LRIG1: variants seen among roughly 807,000 people sequenced by gnomAD.
LRIG1 encodes the protein leucine-rich repeats and immunoglobulin-like domains protein 1.
In LRIG1, 48 loss-of-function variants were observed where a neutral mutation model predicts 99.2. That is an observed-to-expected ratio of 0.48 (90% CI 0.38 to 0.62). The LOEUF (loss-of-function observed/expected upper bound fraction) is 0.62. LRIG1 is among the 20% of genes least tolerant of loss of function. The probability of loss-of-function intolerance (pLI) is 0.00; values close to 1 mark genes in which losing one functional copy is unlikely to be tolerated. For missense variants in LRIG1, 1,646 were observed against 1,434.4 expected (o/e 1.15, Z -2.38); for synonymous variants, 772 against 596.1 (o/e 1.29, Z -4.30).
intron 3 of LRIG1, among the ~76,000 whole-genome samples, chr3:66,438,050 G>A (rs1023727978): frequency 3.2e-4 from 48 of 152,206 alleles, no homozygotes; most frequent in African/African-American, 1.1e-3. Context: ...ATTGATGAAG[G>A]TACTTCATTG....
At chr3:66,435,513 A>C (rs2106758056) in intron 3 of LRIG1, among the ~76,000 whole-genome samples, 1 of 152,344 alleles carries the variant, frequency 6.6e-6, no homozygotes, top group South Asian at 2.1e-4. Flanking sequence ...TGGAAGACTG[A>C]GGTTGCAGTG....
intron 11 of LRIG1, among the ~76,000 whole-genome samples, chr3:66,396,540 C>T (rs1695296923): frequency 6.6e-6 from 1 of 152,208 alleles, no homozygotes. Context: ...GAGGACTGGG[C>T]ACAGGGCCGG....
rs1221616461 is a variant in LRIG1 at position 66,379,761 on chromosome 3, A to G, written c.*502T>C. 1 of 153,978 alleles carries G rather than the reference A, an allele frequency of 6.5e-6. No individual in the cohort carries two copies. Among genetic ancestry groups the G allele is most frequent in the African/African-American group, 2.4e-5 (1 of 41,438 alleles). 9.5% of individuals were successfully genotyped at this position (153,978 alleles called of 1,614,324 possible). ...CTCCTTCCGGCGCATGTGGAGTCCC[A>G]CCGCACAGCAGCCTAGGGGTCTATG... is the stretch of plus-strand genomic sequence containing the variant. On this transcript the variant is annotated 3_prime_UTR_variant, in exon 19 of 19. Transcript: ENST00000273261.
At chr3:66,409,536 T>TA (rs1381231687) in intron 7 of LRIG1, among the ~76,000 whole-genome samples, 1 of 152,168 alleles carries the variant, frequency 6.6e-6, no homozygotes, top group Non-Finnish European at 1.5e-5. Flanking sequence ...ATCTCTGAAC[T>TA]AAGCACGCAC....
Position 66,390,619 on chromosome 3 carries a change from T to C in LRIG1, c.1468+3421A>G, listed in dbSNP as rs540357486. ...GAAATTGACAAGCTGATCCAAAAAA[T>C]TGTAAGGAAATGGCAAGGGATCCAT... On this transcript the variant is annotated intron_variant, in intron 12 of 18. Transcript: ENST00000273261. Among the ~76,000 whole-genome samples the C allele has an allele frequency of 8.5e-4, 130 of 152,192 alleles. 1 individual carries two copies. Among genetic ancestry groups the C allele is most frequent in the African/African-American group, 2.9e-3 (121 of 41,538 alleles).
chr3:66,411,750 G>A (rs755539290), intron 6 of LRIG1, among the ~76,000 whole-genome samples: 13 of 152,126 alleles, frequency 8.5e-5, no homozygotes, highest in African/African-American at 9.7e-5. Flanking sequence ...AAGAAGGGGC[G>A]GACATGAGCA....
chr3:66,481,475 G>A (rs1324940641), intron 1 of LRIG1, among the ~76,000 whole-genome samples: 1 of 152,090 alleles, frequency 6.6e-6, no homozygotes, highest in Non-Finnish European at 1.5e-5. Context: ...GAACCACCTC[G>A]AAATTGGCAG....
chr3:66,450,051 C>A (rs1420836710), intron 3 of LRIG1, among the ~76,000 whole-genome samples: 6 of 152,204 alleles, frequency 3.9e-5, no homozygotes, highest in Non-Finnish European at 8.8e-5. Flanking sequence ...AACAGGTTAT[C>A]ACATCCCTAT....
chr3:66,478,509 T>C (rs948987438), intron 1 of LRIG1, among the ~76,000 whole-genome samples: 3 of 152,196 alleles, frequency 2.0e-5, no homozygotes, highest in Non-Finnish European at 1.5e-5. Context: ...CACAGGTCAA[T>C]AAGGTAGGCT....
intron 13 of LRIG1, 119 bp from the exon 14 acceptor site, chr3:66,384,391 A>G (rs966048945): frequency 1.2e-5 from 13 of 1,119,312 alleles, no homozygotes; most frequent in Admixed American, 7.9e-5. Flanking sequence ...TTTTCTCCCA[A>G]TGTCTGCCCA....
In LRIG1 at chr3:66,500,383, G is replaced by C; in HGVS notation, c.25C>G (p.Leu9Val). The C allele has an allele frequency of 6.8e-7, 1 of 1,463,386 alleles. No individual in the cohort carries two copies. The highest frequency in any genetic ancestry group is 9.0e-7 in the Non-Finnish European group (1 of 1,114,914). 90.7% of individuals were successfully genotyped at this position (1,463,386 alleles called of 1,614,324 possible). A position where few individuals can be genotyped will look rare whatever the true frequency, so the allele number is the denominator to read the frequency against. ...CAAGGCGAGCGGCGCGGGGCCCCGA[G>C]CCCTCCCCGGACCGGCCGCGCCATC... Reference protein sequence around the residue: MARPVRGGLGAPRRSPCLL... With the variant: MARPVRGGVGAPRRSPCLL... The change falls in exon 1 of 19, where the codon CTC becomes GTC. Residue 9 changes from leucine to valine, a missense_variant. Leu to Val is a conservative substitution (Grantham distance 32). Coordinates refer to ENST00000273261, the MANE Select transcript of LRIG1 (RefSeq NM_015541.3).
At chr3:66,406,565 GT>G in intron 8 of LRIG1, 1 of 310,398 alleles carries the variant, frequency 3.2e-6, no homozygotes, top group Non-Finnish European at 4.7e-6. Context: ...TCTCTGTGCA[GT>G]GGATTACGCC....
At chr3:66,452,402 C>G (rs1355785071) in intron 2 of LRIG1, among the ~76,000 whole-genome samples, 3 of 152,230 alleles carry the variant, frequency 2.0e-5, no homozygotes, top group Admixed American at 6.5e-5. Flanking sequence ...GCTGTGCAAT[C>G]TGGCCTCCTT....
At chr3:66,435,085 T>C (rs907648883) in intron 3 of LRIG1, among the ~76,000 whole-genome samples, 6 of 151,660 alleles carry the variant, frequency 4.0e-5, no homozygotes, top group Admixed American at 6.6e-5. Flanking sequence ...CACATCCATA[T>C]TATGGAATAC....
chr3:66,484,309 A>T (rs1700919711), intron 1 of LRIG1, among the ~76,000 whole-genome samples: 1 of 152,214 alleles, frequency 6.6e-6, no homozygotes, highest in Admixed American at 6.5e-5. Context: ...TTAATGTGTC[A>T]CAGGCTTCAC....
Position 66,380,306 on chromosome 3 carries a change from G to GGGAGCTGTCCTGTCAGTGGCGTGGA in LRIG1, c.3214_3238dup (p.Pro1080LeufsTer41). On this transcript the variant is annotated frameshift_variant, in exon 19 of 19. Coordinates refer to ENST00000273261, the MANE Select transcript of LRIG1 (RefSeq NM_015541.3). LOFTEE classifies it high-confidence loss of function. ...CAGCAGTGGCACCCTCTGTTTCCCG[G>GGGAGCTGTCCTGTCAGTGGCGTGGA]GGAGCTGTCCTGTCAGTGGCGTGGA... 6.2e-7 allele frequency: 1 copy of GGGAGCTGTCCTGTCAGTGGCGTGGA among 1,613,894 alleles called. No individual in the cohort carries two copies. Among genetic ancestry groups the GGGAGCTGTCCTGTCAGTGGCGTGGA allele is most frequent in the Non-Finnish European group, 8.5e-7 (1 of 1,179,842 alleles).
intron 1 of LRIG1, among the ~76,000 whole-genome samples, chr3:66,472,832 C>T (rs1280160307): frequency 6.6e-6 from 1 of 152,184 alleles, no homozygotes; most frequent in African/African-American, 2.4e-5. Context: ...TCATTACACA[C>T]TATTCTAAAC....
At chr3:66,479,557 T>G (rs1315886921) in intron 1 of LRIG1, among the ~76,000 whole-genome samples, 1 of 152,182 alleles carries the variant, frequency 6.6e-6, no homozygotes, top group Non-Finnish European at 1.5e-5. Context: ...CTGCTTGAAA[T>G]TGTACTTTCT....
intron 3 of LRIG1, among the ~76,000 whole-genome samples, chr3:66,446,851 CA>C (rs11365007): frequency 0.28 from 35,638 of 125,776 alleles, 5,135 homozygotes; most frequent in East Asian, 0.69. Context: ...ATGCTTTCCT[CA>C]AAAAAAAAAA....
Sources: gnomAD v4.1 joint callset for allele counts (sites outside exome capture counted in the v4.1 genomes callset) on GRCh38, gnomAD v4.1.1 for gene constraint, MANE v1.5 for transcripts, NCBI Gene and HGNC (gene_info 2026-07-23, HGNC 2026-07-21) for gene names.